Variants in SETX observed in about 807,000 individuals in gnomAD.
SETX encodes senataxin.
A neutral mutation model predicts 227.2 loss-of-function variants in SETX; 90 were observed. The ratio of observed to expected loss-of-function variants is 0.40; its 90% CI spans 0.33 to 0.47. The LOEUF (loss-of-function observed/expected upper bound fraction) is 0.47. Ranked by LOEUF, SETX falls within the 20% of genes least tolerant of loss-of-function variation. SETX has a pLI of 0.91. For synonymous variants in SETX, 1,210 were observed against 1,113.2 expected (o/e 1.09, Z -1.73); for missense variants, 3,052 against 3,181.5 (o/e 0.96, Z 0.98).
In SETX at chr9:132,296,893, C is replaced by T. The variant is rs1174615430; in HGVS notation, c.5943G>A (p.Leu1981=). 2 of 1,614,094 alleles carry T rather than the reference C, an allele frequency of 1.2e-6. No homozygotes were observed. The highest frequency in any genetic ancestry group is 3.3e-5 in the Admixed American group (2 of 60,014). The change falls in exon 14 of 26, where the codon CTG becomes CTA. Residue 1981 remains leucine (L), a synonymous_variant. Coordinates refer to ENST00000224140, the MANE Select transcript of SETX (RefSeq NM_015046.7). ...KTIVGLLYRL[L]TENQRKGHSD... ...TGCCCTCACCCATACCTACCTCTGT[C>T]AGTAGACGATAGAGGAGGCCAACAA...
intron 10 of SETX, among the ~76,000 whole-genome samples, chr9:132,314,097 A>T (rs1845827207): frequency 6.7e-6 from 1 of 150,022 alleles, no homozygotes. Flanking sequence ...TGCCCAGCTC[A>T]CTTTTTTTTT....
rs1374204163 is a variant in SETX, at chr9:132,264,683, A to T, written c.7590T>A (p.Pro2530=). Residue 2530 remains proline (P), a synonymous_variant, in exon 26 of 26, where the codon CCT becomes CCA. Coordinates refer to ENST00000224140, the MANE Select transcript of SETX (RefSeq NM_015046.7). ...GGTCCTGAAGTTGGTCATGAACAGG[A>T]GGTCTTTCAGGGTCCTTTGAAGTAA... is the stretch of plus-strand genomic sequence containing the variant. ...LTVTSKDPER[P]PVHDQLQDPR... is the part of the protein sequence containing the mutation. 17 of 1,614,056 alleles carry T rather than the reference A, an allele frequency of 1.1e-5. No individual in the cohort carries two copies. Among genetic ancestry groups the T allele is most frequent in the Middle Eastern group, 1.6e-4 (1 of 6,084 alleles).
At chr9:132,286,292 C>A (rs888345612) in intron 18 of SETX, 131 bp downstream of exon 18, 1 of 690,596 alleles carries the variant, frequency 1.4e-6, no homozygotes, top group Non-Finnish European at 2.4e-6. Flanking sequence ...TGCACCCCAG[C>A]CTGAGAGACA....
At chr9:132,299,847 G>A (rs1220675455) in intron 12 of SETX, among the ~76,000 whole-genome samples, 1 of 151,988 alleles carries the variant, frequency 6.6e-6, no homozygotes, top group Non-Finnish European at 1.5e-5. Context: ...ATGTACATAA[G>A]AAGGACAAGT....
chr9:132,264,301 T>C lies in SETX; in HGVS notation c.7972A>G (p.Arg2658Gly), dbSNP rs779793402. Residue 2658 changes from arginine to glycine, a missense_variant, in exon 26 of 26, where the codon AGG becomes GGG. Arg to Gly is a moderately radical substitution (Grantham distance 125). Around this residue, in one of 10 missense-constraint regions of SETX, gnomAD observed 294 missense variants for 278.8 expected, o/e 1.05. Transcript: ENST00000224140. ...SETHHTRRNS[R>G]WDKRTLEQED... Reference sequence around the variant, plus strand: ...TGCTCCAGTGTCCTCTTGTCCCACCTAGAGTTCCTCCTGGTGTGATGGGTC... The same window carrying C: ...TGCTCCAGTGTCCTCTTGTCCCACCCAGAGTTCCTCCTGGTGTGATGGGTC... 1.9e-5 allele frequency: 31 copies of C among 1,614,080 alleles called. No homozygotes were observed. The highest frequency in any genetic ancestry group is 1.6e-4 in the Middle Eastern group (1 of 6,084).
chr9:132,281,545 A>G lies in SETX; in HGVS notation c.6576T>C (p.Leu2192=). Residue 2192 remains leucine, a synonymous_variant, in exon 20 of 26, where the codon CTT becomes CTC. Transcript: ENST00000224140. ...TATTGCAGCGATGGATGAGTGGAGT[A>G]AGAGTCTCAATTTCACAAGACTGTC... ...EAGQSCEIET[L]TPLIHRCNKL... is the part of the protein sequence containing the mutation. 6.2e-7 allele frequency: 1 copy of G among 1,613,966 alleles called. No homozygotes were observed. Among genetic ancestry groups the G allele is most frequent in the Non-Finnish European group, 8.5e-7 (1 of 1,179,856 alleles).
At chr9:132,356,345 G>A (rs1848912638), upstream of SETX, among the ~76,000 whole-genome samples, 1 of 152,026 alleles carries the variant, frequency 6.6e-6, no homozygotes, top group African/African-American at 2.4e-5. Context: ...TGGGAGTACA[G>A]GCGTGTGCCA....
chr9:132,261,753 CTG>C lies in SETX; in HGVS notation c.*2484_*2485del, dbSNP rs1589592384. On this transcript the variant is annotated 3_prime_UTR_variant, in exon 26 of 26. Coordinates refer to ENST00000224140, the MANE Select transcript of SETX (RefSeq NM_015046.7). The stretch of plus-strand genomic sequence containing the variant: ...TCACAAAAACATACAACTCAACAAA[CTG>C]TGCACAATAAATCCAAGGCAAATTA... 2.6e-5 allele frequency: 4 copies of C among 154,744 alleles called. No individual in the cohort carries two copies. The highest frequency in any genetic ancestry group is 2.0e-4 in the Admixed American group (3 of 15,294). The allele number at this position is 154,744 out of a possible 1,614,324, so 9.6% of individuals were successfully genotyped here.
chr9:132,353,443 C>A (rs922246057), intron 2 of SETX, among the ~76,000 whole-genome samples: 22 of 151,930 alleles, frequency 1.4e-4, no homozygotes, highest in Non-Finnish European at 4.4e-5. Flanking sequence ...CACTAAGATT[C>A]GAAGAGAAAG....
chr9:132,280,818 A>G (rs1177212172), intron 20 of SETX, among the ~76,000 whole-genome samples: 1 of 152,170 alleles, frequency 6.6e-6, no homozygotes, highest in Non-Finnish European at 1.5e-5. Context: ...CATTTCCAGG[A>G]GAATCTTTCA....
At chr9:132,308,186 T>C (rs925378910) in intron 11 of SETX, among the ~76,000 whole-genome samples, 4 of 152,136 alleles carry the variant, frequency 2.6e-5, no homozygotes, top group African/African-American at 7.2e-5. Flanking sequence ...GCTGTGATTA[T>C]CAGAAAAAGA....
At chr9:132,299,180 A>C (rs571931289) in intron 12 of SETX, among the ~76,000 whole-genome samples, 104 of 152,320 alleles carry the variant, frequency 6.8e-4, no homozygotes, top group African/African-American at 2.4e-3. Flanking sequence ...GATAACTCCA[A>C]GGTTTTTGGC....
At position 132,349,397 on chromosome 9, in the gene SETX, C is replaced by G; in HGVS notation, c.32G>C (p.Gly11Ala). 1.2e-6 allele frequency: 2 copies of G among 1,614,168 alleles called. No homozygotes were observed. Among genetic ancestry groups the G allele is most frequent in the Non-Finnish European group, 1.7e-6 (2 of 1,180,042 alleles). The change falls in exon 3 of 26, where the codon GGT becomes GCT. Residue 11 changes from glycine to alanine, a missense_variant. Transcript: ENST00000224140. ...CTTTAGGAAGTCAATGGTGGAAGCACCACCTGGCGTACACCAACAACATGT... is the reference window on the plus strand; with the variant it reads ...CTTTAGGAAGTCAATGGTGGAAGCAGCACCTGGCGTACACCAACAACATGT... MSTCCWCTPG[G>A]ASTIDFLKRY... is the part of the protein sequence containing the mutation.
intron 15 of SETX, among the ~76,000 whole-genome samples, 194 bp downstream of exon 15, chr9:132,295,678 G>GA (rs1844625905): frequency 6.6e-6 from 1 of 152,174 alleles, no homozygotes; most frequent in Non-Finnish European, 1.5e-5. Context: ...CTTCACTGAT[G>GA]AAACCTCAGT....
intron 15 of SETX, among the ~76,000 whole-genome samples, chr9:132,292,312 C>T (rs1844369367): frequency 6.6e-6 from 1 of 150,740 alleles, no homozygotes; most frequent in Admixed American, 6.6e-5. Flanking sequence ...ACCTGCAGAT[C>T]CAGCTACTTG....
rs1338334845 is a variant in SETX at position 132,326,587 on chromosome 9, C to T, written c.5011G>A (p.Gly1671Ser). 5.0e-6 allele frequency: 8 copies of T among 1,614,092 alleles called. No individual in the cohort carries two copies. In the Admixed American group the frequency reaches 1.0e-4, roughly 20 times the overall value. Residue 1671 changes from glycine (G) to serine (S), a missense_variant, in exon 10 of 26, where the codon GGT (glycine) becomes AGT (serine). Coordinates refer to ENST00000224140, the MANE Select transcript of SETX (RefSeq NM_015046.7). ...CTTTCACCAAATGGAACTTTGCAAC[C>T]TTGCCTGTTGGAATTATTCGGAGAC... ...PQSPNNSNRQGCKVPFGESKY... is the reference protein window; with the variant it reads ...PQSPNNSNRQSCKVPFGESKY...
chr9:132,298,392 G>A, intron 12 of SETX, 80 bp from the exon 13 acceptor site: 1 of 1,171,456 alleles, frequency 8.5e-7, no homozygotes, highest in Non-Finnish European at 1.3e-6. Flanking sequence ...GCAGAATTAG[G>A]TATTTTTAAC....
At position 132,336,296 on chromosome 9, in the gene SETX, C is replaced by A; in HGVS notation, c.718G>T (p.Gly240Cys). The stretch of plus-strand genomic sequence containing the variant: ...ATATTAGTGTAGGAATAATACTCAC[C>A]TAACCAATAGCTTTTGTAGTTGGTA... ...DTTNYKSYWL[G>C]ICMLLTILEE... The change falls in exon 6 of 26, where the codon GGT becomes TGT. Residue 240 changes from glycine (G) to cysteine (C), a missense_variant and splice_region_variant. By Grantham distance (159) the Gly-to-Cys change is radical. Coordinates refer to ENST00000224140, the MANE Select transcript of SETX (RefSeq NM_015046.7). The A allele has an allele frequency of 6.2e-7, 1 of 1,606,252 alleles. No homozygotes were observed. The highest frequency in any genetic ancestry group is 8.5e-7 in the Non-Finnish European group (1 of 1,172,834).
Position 132,329,162 on chromosome 9 carries a change from A to T in SETX, c.2436T>A (p.Asp812Glu). The change falls in exon 10 of 26, where the codon GAT becomes GAA. Residue 812 changes from aspartate (D) to glutamate (E), a missense_variant. This residue lies in a region of SETX where 1,483 missense variants were observed against 1,312.0 expected (regional missense o/e 1.13). Transcript: ENST00000224140. Reference protein sequence around the residue: ...STLVDNTINLDENLTVSNIES... With the variant: ...STLVDNTINLEENLTVSNIES... ...CAATGTTAGATACAGTCAAATTTTC[A>T]TCTAAATTGATAGTATTATCGACCA... 1 of 1,612,200 alleles carries T rather than the reference A, an allele frequency of 6.2e-7. No homozygotes were observed. Among genetic ancestry groups the T allele is most frequent in the Non-Finnish European group, 8.5e-7 (1 of 1,179,722 alleles).
Sources: allele counts gnomAD v4.1 joint callset (sites outside exome capture counted in the v4.1 genomes callset), GRCh38; gene constraint gnomAD v4.1.1; regional missense constraint gnomAD v4.1.1; transcripts MANE v1.5; gene names NCBI Gene and HGNC (gene_info 2026-07-23, HGNC 2026-07-21).